The following BTG4 variants were observed in gnomAD, a reference collection of about 807,000 sequenced individuals.
BTG4 encodes protein BTG4.
A neutral mutation model predicts 19.3 loss-of-function variants in BTG4; 10 were observed. The observed-to-expected ratio is 0.52, with a 90% confidence interval of 0.32 to 0.88. The LOEUF is 0.88. BTG4 is among the 40% of genes least tolerant of loss of function. BTG4 has a pLI of 0.04. For synonymous variants in BTG4, 91 were observed against 95.7 expected, an observed-to-expected ratio of 0.95 and a Z score of 0.29; for missense variants, 238 against 281.9, an observed-to-expected ratio of 0.84 and a Z score of 1.11.
the BTG4 span, among the ~76,000 whole-genome samples, chr11:111,389,648 T>C: frequency 1.3e-5 from 2 of 152,236 alleles, no homozygotes; most frequent in Admixed American, 1.3e-4. Context: ...TAATAATGAA[T>C]GTGACAGATT....
chr11:111,472,042 C>T (rs1864097912), intron 5 of BTG4, among the ~76,000 whole-genome samples: 1 of 152,226 alleles, frequency 6.6e-6, no homozygotes, highest in Non-Finnish European at 1.5e-5. Flanking sequence ...TGCCTCTTGC[C>T]CGGATTACTA....
chr11:111,432,386 G>A, the BTG4 span, among the ~76,000 whole-genome samples: 1 of 152,210 alleles, frequency 6.6e-6, no homozygotes, highest in Non-Finnish European at 1.5e-5. Flanking sequence ...TCTCATGCCT[G>A]TAATCCCAAC....
chr11:111,427,872 G>T, the BTG4 span, among the ~76,000 whole-genome samples: 1 of 152,134 alleles, frequency 6.6e-6, no homozygotes, highest in Non-Finnish European at 1.5e-5. Context: ...TATGACAATA[G>T]AGTGACAGAG....
chr11:111,492,883 C>G (rs1380318768), downstream of BTG4, among the ~76,000 whole-genome samples: 1 of 152,132 alleles, frequency 6.6e-6, no homozygotes, highest in African/African-American at 2.4e-5. Context: ...ATACCAGAGT[C>G]CCCGGTAATC....
chr11:111,404,726 G>A, the BTG4 span: 2 of 454,300 alleles, frequency 4.4e-6, no homozygotes, highest in African/African-American at 4.0e-5. Context: ...TGTTTCCCTA[G>A]GAAGAAAGGA....
chr11:111,396,458 G>C, the BTG4 span, among the ~76,000 whole-genome samples: 1 of 152,208 alleles, frequency 6.6e-6, no homozygotes, highest in Non-Finnish European at 1.5e-5. Context: ...CAGCAGAAAA[G>C]TGACCACTAA....
the BTG4 span, among the ~76,000 whole-genome samples, chr11:111,430,787 C>T: frequency 6.6e-6 from 1 of 152,238 alleles, no homozygotes; most frequent in Non-Finnish European, 1.5e-5. Flanking sequence ...CACACAGCCA[C>T]TAAATGGCAG....
downstream of BTG4, among the ~76,000 whole-genome samples, chr11:111,465,093 A>G (rs1204105126): frequency 6.6e-6 from 1 of 152,182 alleles, no homozygotes; most frequent in Admixed American, 6.5e-5. Context: ...ACCCCAGATC[A>G]CTTTACCAAT....
At chr11:111,490,472 A>G (rs1215775462), downstream of BTG4, among the ~76,000 whole-genome samples, 1 of 152,180 alleles carries the variant, frequency 6.6e-6, no homozygotes, top group African/African-American at 2.4e-5. Context: ...GAACTTTTTA[A>G]AATACAAGGT....
chr11:111,390,247 TTCATTCAGCAAATATTTGCTGAATG>T, the BTG4 span, among the ~76,000 whole-genome samples: 1 of 152,192 alleles, frequency 6.6e-6, no homozygotes, highest in South Asian at 2.1e-4. Context: ...CATGCACTCA[TTCATTCAGCAAATATTTGCTGAATG>T]TCATCCCACT....
the BTG4 span, among the ~76,000 whole-genome samples, chr11:111,440,248 G>A: frequency 6.6e-6 from 1 of 152,162 alleles, no homozygotes; most frequent in Non-Finnish European, 1.5e-5. Flanking sequence ...GAACTCTGCA[G>A]AAGCTTCAAG....
the BTG4 span, among the ~76,000 whole-genome samples, chr11:111,452,075 T>C: frequency 6.6e-6 from 1 of 152,236 alleles, no homozygotes; most frequent in African/African-American, 2.4e-5. Context: ...GTTTTATCTG[T>C]GTGACCTGCA....
At chr11:111,386,474 T>A in the BTG4 span, among the ~76,000 whole-genome samples, 1 of 152,222 alleles carries the variant, frequency 6.6e-6, no homozygotes, top group Admixed American at 6.5e-5. Flanking sequence ...AGATTTTCTA[T>A]GGCCCAGAAA....
At chr11:111,409,450 G>A in the BTG4 span, among the ~76,000 whole-genome samples, 1 of 152,178 alleles carries the variant, frequency 6.6e-6, no homozygotes, top group Non-Finnish European at 1.5e-5. Context: ...TAGTTCCCAT[G>A]AGAGTGGGTT....
Position 111,495,245 on chromosome 11 carries a change from G to C in BTG4, c.580C>G (p.Arg194Gly). The C allele has an allele frequency of 6.2e-7, 1 of 1,612,382 alleles. No individual in the cohort carries two copies. The highest frequency in any genetic ancestry group is 8.5e-7 in the Non-Finnish European group (1 of 1,179,414). The change falls in exon 5 of 5, where the codon CGT (arginine) becomes GGT (glycine). Residue 194 changes from arginine (R) to glycine (G), a missense_variant. Coordinates refer to ENST00000692032, the MANE Select transcript of BTG4 (RefSeq NM_001367975.1). ...IPRKKNVVDGRVGLLGNTYHG... is the reference protein window; with the variant it reads ...IPRKKNVVDGGVGLLGNTYHG... ...TAAGTGTTTCCCAGGAGGCCAACAC[G>C]GCCGTCCACCACATTCTTTTTGCGG...
At chr11:111,449,320 T>G in the BTG4 span, 1 of 122,532 alleles carries the variant, frequency 8.2e-6, no homozygotes, top group African/African-American at 3.0e-5. Flanking sequence ...TCCCTCCCCC[T>G]CCCCGCCCCC....
chr11:111,508,099 C>T (rs955646650), intron 1 of BTG4, among the ~76,000 whole-genome samples: 3 of 152,198 alleles, frequency 2.0e-5, no homozygotes, highest in African/African-American at 7.2e-5. Flanking sequence ...TACTTTTCGT[C>T]GAAGTCTGGA....
chr11:111,514,442 A>C, upstream of BTG4: 15 of 315,436 alleles, frequency 4.8e-5, no homozygotes, highest in Non-Finnish European at 6.8e-5. Flanking sequence ...GGGCTGAGGA[A>C]TTTAAAGTTT....
At chr11:111,409,352 G>A in the BTG4 span, among the ~76,000 whole-genome samples, 28 of 152,252 alleles carry the variant, frequency 1.8e-4, no homozygotes, top group African/African-American at 5.5e-4. Context: ...TAGGGGGATC[G>A]CTTGTGGTGG....
Sources: gnomAD v4.1 joint callset for allele counts (sites outside exome capture counted in the v4.1 genomes callset) on GRCh38, gnomAD v4.1.1 for gene constraint, MANE v1.5 for transcripts, NCBI Gene and HGNC (gene_info 2026-07-23, HGNC 2026-07-21) for gene names.